Variants in PDE8B observed in about 807,000 individuals in gnomAD.
PDE8B encodes the protein phosphodiesterase 8B, also known as high affinity cAMP-specific and IBMX-insensitive 3',5'-cyclic phosphodiesterase 8B.
A neutral mutation model predicts 101.3 loss-of-function variants in PDE8B; 26 were observed. The ratio of observed to expected loss-of-function variants is 0.26; its 90% CI spans 0.19 to 0.36. The LOEUF (loss-of-function observed/expected upper bound fraction) is 0.36. Ranked by LOEUF, PDE8B falls within the 10% of genes least tolerant of loss-of-function variation. The probability of loss-of-function intolerance (pLI) is 1.00; values close to 1 mark genes in which losing one functional copy is unlikely to be tolerated. For missense variants in PDE8B, 810 were observed against 1,163.1 expected (o/e 0.70, Z 4.42); for synonymous variants, 424 against 429.3 (o/e 0.99, Z 0.15).
the PDE8B span, among the ~76,000 whole-genome samples, chr5:77,125,996 G>A: frequency 1.3e-5 from 2 of 152,158 alleles, no homozygotes; most frequent in African/African-American, 2.4e-5. Flanking sequence ...TCTCTTAAAA[G>A]TTAGTTACAG....
chr5:77,106,253 C>A, the PDE8B span: 9 of 152,112 alleles, frequency 5.9e-5, no homozygotes, highest in African/African-American at 2.2e-4. Context: ...ACTAAAGTTG[C>A]CAAGATTTTC....
the PDE8B span, among the ~76,000 whole-genome samples, chr5:77,100,938 C>T: frequency 6.6e-6 from 1 of 150,852 alleles, no homozygotes; most frequent in Admixed American, 6.6e-5. Context: ...TAAGCCCCAA[C>T]TCCCAATCAT....
chr5:77,375,121 C>T (rs1489462745), intron 10 of PDE8B, among the ~76,000 whole-genome samples: 2 of 152,200 alleles, frequency 1.3e-5, no homozygotes, highest in Admixed American at 6.5e-5. Flanking sequence ...AGTCACTGTG[C>T]CATTGCCCCT....
intron 17 of PDE8B, among the ~76,000 whole-genome samples, chr5:77,414,115 G>C (rs1396879023): frequency 1.3e-5 from 2 of 152,180 alleles, no homozygotes; most frequent in African/African-American, 4.8e-5. Context: ...TTAGAACCAG[G>C]TATTGAGGGA....
In PDE8B at chr5:77,419,939, A is replaced by G. The variant is rs756436829; in HGVS notation, c.2250+52A>G. On this transcript the variant is annotated intron_variant, in intron 19 of 21. Coordinates refer to ENST00000264917, the MANE Select transcript of PDE8B (RefSeq NM_003719.5). ...GCACATCCAAGTACATTTCCATAAGAGCCTGCTCTGGCCCTGAAGCATTTT... is the reference window on the plus strand; with the variant it reads ...GCACATCCAAGTACATTTCCATAAGGGCCTGCTCTGGCCCTGAAGCATTTT... 4 of 1,605,112 alleles carry G rather than the reference A, an allele frequency of 2.5e-6. No homozygotes were observed. In the South Asian group the frequency reaches 4.4e-5, roughly 18 times the overall value.
intron 1 of PDE8B, among the ~76,000 whole-genome samples, chr5:77,222,197 G>A (rs1751249370): frequency 6.6e-6 from 1 of 152,164 alleles, no homozygotes; most frequent in African/African-American, 2.4e-5. Context: ...GCACGGTAGG[G>A]ATAATGCATC....
the PDE8B span, among the ~76,000 whole-genome samples, chr5:77,200,942 T>A: frequency 6.6e-6 from 1 of 152,182 alleles, no homozygotes; most frequent in Non-Finnish European, 1.5e-5. Flanking sequence ...AGAGCAAATG[T>A]CAAACCCCAA....
chr5:77,094,814 C>A, the PDE8B span, among the ~76,000 whole-genome samples: 1 of 152,052 alleles, frequency 6.6e-6, no homozygotes, highest in Non-Finnish European at 1.5e-5. Flanking sequence ...AGGGAGGCAC[C>A]AGACTCTTTT....
chr5:77,187,437 C>T, the PDE8B span, among the ~76,000 whole-genome samples: 1 of 151,890 alleles, frequency 6.6e-6, no homozygotes, highest in African/African-American at 2.4e-5. Flanking sequence ...TGTCAAGTAA[C>T]TAAACTGAAG....
intron 2 of PDE8B, among the ~76,000 whole-genome samples, chr5:77,323,725 G>A (rs529852806): frequency 2.0e-5 from 3 of 152,264 alleles, no homozygotes; most frequent in African/African-American, 4.8e-5. Context: ...TTGGGAGGCC[G>A]AGGTGGGCGG....
At chr5:77,207,866 C>G (rs977655116), upstream of PDE8B, among the ~76,000 whole-genome samples, 90 of 152,188 alleles carry the variant, frequency 5.9e-4, no homozygotes, top group Middle Eastern at 3.4e-3. Context: ...TTCACTAAGC[C>G]AGAATTGGCA....
the PDE8B span, among the ~76,000 whole-genome samples, chr5:77,185,165 C>G: frequency 6.6e-6 from 1 of 152,176 alleles, no homozygotes. Context: ...CAAGGAAATG[C>G]TTTTCAGTGT....
At chr5:77,217,532 A>T (rs1158576115) in intron 1 of PDE8B, among the ~76,000 whole-genome samples, 1 of 151,886 alleles carries the variant, frequency 6.6e-6, no homozygotes, top group African/African-American at 2.4e-5. Flanking sequence ...TTTTAGTAGA[A>T]AACACCAATT....
chr5:77,170,152 TCCATCATAC>T, the PDE8B span, among the ~76,000 whole-genome samples: 6 of 152,320 alleles, frequency 3.9e-5, no homozygotes, highest in African/African-American at 1.4e-4. Flanking sequence ...TGTGTTTTCC[TCCATCATAC>T]CCAACTGATA....
chr5:77,119,623 C>T, the PDE8B span: 1 of 146,268 alleles, frequency 6.8e-6, no homozygotes, highest in Non-Finnish European at 1.5e-5. Flanking sequence ...CGCCACTGCA[C>T]TCCAGCCTGG....
Position 77,426,582 on chromosome 5 carries a change from C to A in PDE8B, c.*28C>A. 8.6e-7 allele frequency: 1 copy of A among 1,164,852 alleles called. No individual in the cohort carries two copies. Among genetic ancestry groups the A allele is most frequent in the Non-Finnish European group, 1.3e-6 (1 of 771,272 alleles). The allele number at this position is 1,164,852 out of a possible 1,614,324, so 72.2% of individuals were successfully genotyped here. A position where few individuals can be genotyped will look rare whatever the true frequency, so the allele number is the denominator to read the frequency against. On this transcript the variant is annotated 3_prime_UTR_variant, in exon 22 of 22. Coordinates refer to ENST00000264917, the MANE Select transcript of PDE8B (RefSeq NM_003719.5). Reference sequence around the variant, plus strand: ...CCAAGCCACAGAGGGGGCCTCTTGACCGACAAAGGACACTGTGAATCACAG... The same window carrying A: ...CCAAGCCACAGAGGGGGCCTCTTGAACGACAAAGGACACTGTGAATCACAG...
At chr5:77,119,853 T>C in the PDE8B span, among the ~76,000 whole-genome samples, 1 of 151,462 alleles carries the variant, frequency 6.6e-6, no homozygotes, top group African/African-American at 2.4e-5. Context: ...TCACAAAAAA[T>C]AAAGACATTA....
the PDE8B span, among the ~76,000 whole-genome samples, chr5:77,121,346 C>G: frequency 1.3e-5 from 2 of 152,146 alleles, no homozygotes; most frequent in Non-Finnish European, 2.9e-5. Context: ...TAACATGGCA[C>G]ATGGCATCCC....
At chr5:77,313,175 C>T (rs1773062413) in intron 2 of PDE8B, among the ~76,000 whole-genome samples, 1 of 151,902 alleles carries the variant, frequency 6.6e-6, no homozygotes, top group African/African-American at 2.4e-5. Flanking sequence ...AACAAGTCAA[C>T]CAACATATAG....
Sources: gnomAD v4.1 joint callset for allele counts (sites outside exome capture counted in the v4.1 genomes callset) on GRCh38, gnomAD v4.1.1 for gene constraint, MANE v1.5 for transcripts, NCBI Gene and HGNC (gene_info 2026-07-23, HGNC 2026-07-21) for gene names.